The following SRGAP3 variants were observed in gnomAD, a reference collection of about 807,000 sequenced individuals.
SRGAP3 encodes SLIT-ROBO Rho GTPase-activating protein 3.
A neutral mutation model predicts 121.1 loss-of-function variants in SRGAP3; 39 were observed. The ratio of observed to expected loss-of-function variants is 0.32; its 90% confidence interval spans 0.25 to 0.42. The LOEUF is 0.42. Among genes scored for constraint, SRGAP3 ranks in the 10% least tolerant of loss-of-function variants. The pLI is 1.00. For synonymous variants in SRGAP3, 601 were observed against 570.0 expected, an observed-to-expected ratio of 1.05 and a Z score of -0.77; for missense variants, 1,213 against 1,470.6, an observed-to-expected ratio of 0.82 and a Z score of 2.86.
At chr3:9,047,566 C>T (rs773924608) in intron 9 of SRGAP3, 91 bp from the exon 10 acceptor site, 116 of 1,321,914 alleles carry the variant, frequency 8.8e-5, no homozygotes, top group Non-Finnish European at 1.1e-4. Flanking sequence ...ACACGGAAGC[C>T]GAACAGAGAT....
chr3:9,250,033 T>TTAC (rs1313361925), upstream of SRGAP3, among the ~76,000 whole-genome samples: 2 of 152,058 alleles, frequency 1.3e-5, no homozygotes, highest in Non-Finnish European at 2.9e-5. Flanking sequence ...TGTTGAGCAG[T>TTAC]TACTTGGTGG....
At chr3:9,340,963 T>C (rs1955777186) in intron 1 of SRGAP3, among the ~76,000 whole-genome samples, 1 of 152,214 alleles carries the variant, frequency 6.6e-6, no homozygotes, top group Non-Finnish European at 1.5e-5. Flanking sequence ...TTCTAGAGGC[T>C]GGAAGTCCAA....
At chr3:9,296,306 GT>G (rs1954954273) in intron 3 of SRGAP3, among the ~76,000 whole-genome samples, 1 of 152,180 alleles carries the variant, frequency 6.6e-6, no homozygotes, top group Admixed American at 6.5e-5. Flanking sequence ...AATGCTTATT[GT>G]TTTCTGTTTT....
intron 1 of SRGAP3, among the ~76,000 whole-genome samples, chr3:9,131,768 C>G (rs903513173): frequency 6.6e-6 from 1 of 151,970 alleles, no homozygotes; most frequent in Non-Finnish European, 1.5e-5. Flanking sequence ...CAATCCAGGT[C>G]TCCTAAAGCA....
chr3:9,124,206 A>C (rs1317774787), intron 2 of SRGAP3, among the ~76,000 whole-genome samples: 1 of 152,190 alleles, frequency 6.6e-6, no homozygotes, highest in African/African-American at 2.4e-5. Flanking sequence ...ATAAGTAAAT[A>C]AGGCAGGGAA....
rs748201683 is a variant in SRGAP3 at position 9,026,995 on chromosome 3, C to T, written c.1540G>A (p.Asp514Asn). The change falls in exon 13 of 22, where the codon GAT (aspartate) becomes AAT (asparagine). Residue 514 changes from aspartate to asparagine, a missense_variant and splice_region_variant. Physicochemically the swap from Asp to Asn is conservative, Grantham distance 23 (BLOSUM62 1). This residue lies in a region of SRGAP3 where 793 missense variants were observed against 1,032.9 expected (regional missense o/e 0.77). Transcript: ENST00000383836. ...FNGSMEAFIK[D>N]SGQAIPLVVE... ...ACAAGCGGTATAGCTTGTCCTGAAT[C>T]CTTGAGAAAAGAAAAATTGTGAGTT... 1 of 1,614,152 alleles carries T rather than the reference C, an allele frequency of 6.2e-7. No homozygotes were observed. The highest frequency in any genetic ancestry group is 1.1e-5 in the South Asian group (1 of 91,078).
At chr3:9,135,276 A>C (rs188818890) in intron 1 of SRGAP3, among the ~76,000 whole-genome samples, 5 of 152,270 alleles carry the variant, frequency 3.3e-5, no homozygotes, top group Admixed American at 2.6e-4. Flanking sequence ...GCCATTTCTC[A>C]TCTCCTTAAA....
chr3:9,114,562 C>G (rs1482065114), intron 2 of SRGAP3, among the ~76,000 whole-genome samples: 1 of 152,200 alleles, frequency 6.6e-6, no homozygotes, highest in Non-Finnish European at 1.5e-5. Context: ...TGATCCCATT[C>G]CTCACACTGC....
intron 3 of SRGAP3, among the ~76,000 whole-genome samples, chr3:9,085,156 T>C (rs1267065455): frequency 1.3e-5 from 2 of 152,252 alleles, no homozygotes; most frequent in African/African-American, 4.8e-5. Flanking sequence ...CAATGAATGC[T>C]CAGGCAGACA....
chr3:9,122,681 C>G (rs1949055778), intron 2 of SRGAP3, among the ~76,000 whole-genome samples: 2 of 149,732 alleles, frequency 1.3e-5, no homozygotes, highest in African/African-American at 5.0e-5. Context: ...TGCATTCCAG[C>G]CTGGGTGGCA....
At chr3:9,348,437 G>A in intron 1 of SRGAP3, 7 of 632,706 alleles carry the variant, frequency 1.1e-5, no homozygotes, top group South Asian at 5.2e-5. Context: ...TCCCCAGCCC[G>A]CCACCATGGC....
At chr3:9,200,330 G>A (rs908506902) in intron 1 of SRGAP3, among the ~76,000 whole-genome samples, 1 of 152,140 alleles carries the variant, frequency 6.6e-6, no homozygotes, top group Non-Finnish European at 1.5e-5. Flanking sequence ...TAGGGGGTTG[G>A]ACAAGGATTC....
rs552092012 is a variant in SRGAP3, at chr3:9,024,964, G to GTGGTGC, written c.1678+291_1678+296dup. On this transcript the variant is annotated intron_variant, in intron 14 of 21. Transcript: ENST00000383836. ...AGTCATAGTAGTAGTAACAGTGGTG[G>GTGGTGC]TGGTGCTGGTGCTGGTGCTGGTGCT... is the stretch of plus-strand genomic sequence containing the variant. Among the ~76,000 whole-genome samples, 220 of 152,240 alleles carry GTGGTGC rather than the reference G, an allele frequency of 1.4e-3. 3 individuals are homozygous for GTGGTGC. The highest frequency in any genetic ancestry group is 4.7e-3 in the African/African-American group (197 of 41,524).
chr3:9,113,146 C>T (rs1948690997), intron 2 of SRGAP3, among the ~76,000 whole-genome samples: 1 of 152,176 alleles, frequency 6.6e-6, no homozygotes, highest in Non-Finnish European at 1.5e-5. Context: ...GTGCATGGGG[C>T]TGCGTACTAG....
In SRGAP3 at chr3:9,013,761, C is replaced by T; in HGVS notation, c.1895G>A (p.Arg632Lys). The T allele has an allele frequency of 6.2e-7, 1 of 1,614,224 alleles. No individual in the cohort carries two copies. The change falls in exon 16 of 22, where the codon AGA (arginine) becomes AAA (lysine). Residue 632 changes from arginine (R) to lysine (K), a missense_variant. Arg to Lys is a conservative substitution (Grantham distance 26, BLOSUM62 2). Around this residue, in one of 2 missense-constraint regions of SRGAP3, gnomAD observed 793 missense variants for 1,032.9 expected, o/e 0.77. Coordinates refer to ENST00000383836, the MANE Select transcript of SRGAP3 (RefSeq NM_014850.4). ...TLPRVVIVVM[R>K]YLFAFLNHLS... ...CTGGTTGAGGAAAGCGAAGAGGTAT[C>T]TCATGACCACAATGACCACGCGGGG...
intron 15 of SRGAP3, chr3:9,014,297 C>G (rs558275970): frequency 2.8e-5 from 6 of 215,342 alleles, no homozygotes; most frequent in Admixed American, 5.0e-5. Flanking sequence ...ATGAAGTAAG[C>G]AGGTTTAAGC....
intron 2 of SRGAP3, among the ~76,000 whole-genome samples, chr3:9,110,055 A>T (rs1020677123): frequency 6.6e-6 from 1 of 152,052 alleles, no homozygotes. Context: ...AAAGGGTAAA[A>T]CTGCACTTTC....
chr3:8,997,090 GT>G (rs1424962601), intron 18 of SRGAP3, among the ~76,000 whole-genome samples: 1 of 152,198 alleles, frequency 6.6e-6, no homozygotes, highest in Non-Finnish European at 1.5e-5. Context: ...TTACATAAGT[GT>G]GTGTGGTGGA....
chr3:9,025,133 G>A, intron 14 of SRGAP3, 128 bp downstream of exon 14: 1 of 906,300 alleles, frequency 1.1e-6, no homozygotes, highest in Non-Finnish European at 1.8e-6. Flanking sequence ...GTTGGGAAGA[G>A]ATGTGCACAA....
Sources: gnomAD v4.1 joint callset for allele counts (sites outside exome capture counted in the v4.1 genomes callset) on GRCh38, gnomAD v4.1.1 for gene constraint, gnomAD v4.1.1 regional missense constraint, MANE v1.5 for transcripts, NCBI Gene and HGNC (gene_info 2026-07-23, HGNC 2026-07-21) for gene names.